The following SPTBN1 variants were observed in gnomAD, a reference collection of about 807,000 sequenced individuals.
SPTBN1 encodes the protein spectrin beta chain, non-erythrocytic 1.
Under a neutral mutation model 266.4 loss-of-function variants are expected in SPTBN1, and 32 were observed. The ratio of observed to expected loss-of-function variants is 0.12; its 90% CI spans 0.09 to 0.16. The LOEUF (loss-of-function observed/expected upper bound fraction) is 0.16. Among genes scored for constraint, SPTBN1 ranks in the 10% least tolerant of loss-of-function variants. The pLI, the probability that SPTBN1 is intolerant of heterozygous loss-of-function variation, is 1.00. For missense variants in SPTBN1, 2,296 were observed against 3,067.1 expected, an observed-to-expected ratio of 0.75 and a Z score of 5.94; for synonymous variants, 1,336 against 1,162.2, an observed-to-expected ratio of 1.15 and a Z score of -3.04.
At chr2:54,641,290 A>AGC (rs1438714410) in intron 18 of SPTBN1, among the ~76,000 whole-genome samples, 2 of 147,098 alleles carry the variant, frequency 1.4e-5, no homozygotes, top group Non-Finnish European at 3.0e-5. Context: ...ATTTTTATGT[A>AGC]GCGCGCTCTC....
intron 10 of SPTBN1, 135 bp downstream of exon 10, chr2:54,623,731 G>T: frequency 1.5e-6 from 1 of 682,916 alleles, no homozygotes; most frequent in South Asian, 2.1e-5. Context: ...TTGGCAGCTG[G>T]TGCTCAGGTG....
chr2:54,567,341 T>C (rs1673731780), intron 2 of SPTBN1, among the ~76,000 whole-genome samples: 1 of 151,742 alleles, frequency 6.6e-6, no homozygotes, highest in Non-Finnish European at 1.5e-5. Flanking sequence ...TTTATTTTAT[T>C]TATTTATTTA....
intron 2 of SPTBN1, among the ~76,000 whole-genome samples, chr2:54,567,437 C>G (rs1007099790): frequency 6.6e-6 from 1 of 152,040 alleles, no homozygotes; most frequent in Non-Finnish European, 1.5e-5. Context: ...ACCTCTTGGG[C>G]TCAAGCCATC....
chr2:54,526,295 C>T, intron 1 of SPTBN1, 77 bp from the exon 2 acceptor site: 1 of 1,181,440 alleles, frequency 8.5e-7, no homozygotes, highest in Non-Finnish European at 1.2e-6. Flanking sequence ...ATTTTCTGCT[C>T]ACTCTTATCC....
rs1681586064 is a variant in SPTBN1, at chr2:54,669,240, A to ATGTT, written c.*672_*673insGTTT. The stretch of plus-strand genomic sequence containing the variant: ...CTGTTTTAAATAATCTGTAATTTCA[A>ATGTT]TTTTTTTTTTTTGCTGAAATACATT... On this transcript the variant is annotated 3_prime_UTR_variant, in exon 36 of 36. Coordinates refer to ENST00000356805, the MANE Select transcript of SPTBN1 (RefSeq NM_003128.3). 1.3e-5 allele frequency: 2 copies of ATGTT among 150,206 alleles called. No individual in the cohort carries two copies. Among genetic ancestry groups the ATGTT allele is most frequent in the African/African-American group, 2.4e-5 (1 of 40,834 alleles). 9.3% of individuals were successfully genotyped at this position (150,206 alleles called of 1,614,324 possible). A position where few individuals can be genotyped will look rare whatever the true frequency, so the allele number is the denominator to read the frequency against.
At chr2:54,542,054 T>G (rs966004461) in intron 2 of SPTBN1, among the ~76,000 whole-genome samples, 4 of 152,250 alleles carry the variant, frequency 2.6e-5, no homozygotes, top group Non-Finnish European at 4.4e-5. Context: ...TTTTTAAGCT[T>G]TATTAGAATG....
chr2:54,572,194 A>G (rs1238079937), intron 2 of SPTBN1, among the ~76,000 whole-genome samples: 1 of 152,210 alleles, frequency 6.6e-6, no homozygotes, highest in Non-Finnish European at 1.5e-5. Flanking sequence ...CCTAGAAATT[A>G]GACATCACAT....
Position 54,670,590 on chromosome 2 carries a change from T to C in SPTBN1, c.*2021T>C, listed in dbSNP as rs1681652628. 1 of 398,162 alleles carries C rather than the reference T, an allele frequency of 2.5e-6. No homozygotes were observed. The allele number at this position is 398,162 out of a possible 1,614,324, so 24.7% of individuals were successfully genotyped here. A position where few individuals can be genotyped will look rare whatever the true frequency, so the allele number is the denominator to read the frequency against. ...TCTATTCTCAACAGACCAAAATGTT[T>C]AGTTAAGGCAAAGTATCTTGGAAAC... On this transcript the variant is annotated 3_prime_UTR_variant, in exon 36 of 36. Transcript: ENST00000356805.
intron 2 of SPTBN1, among the ~76,000 whole-genome samples, chr2:54,596,142 G>A (rs1198689041): frequency 3.9e-5 from 6 of 152,264 alleles, no homozygotes; most frequent in Middle Eastern, 3.4e-3. Context: ...AGCAGCTTGA[G>A]CTTGGAAGCA....
rs1679889744 is a variant in SPTBN1, at chr2:54,645,795, G to C, written c.4495-133G>C. 1 of 927,082 alleles carries C rather than the reference G, an allele frequency of 1.1e-6. No individual in the cohort carries two copies. Among genetic ancestry groups the C allele is most frequent in the Admixed American group, 2.3e-5 (1 of 44,288 alleles). The allele number at this position is 927,082 out of a possible 1,614,324, so 57.4% of individuals were successfully genotyped here. ...CGGAGAACAAGGGCGTGCTTCCCCA[G>C]ACAGCCCTCCCGAGGGGGCTGAGCA... On this transcript the variant is annotated intron_variant, in intron 21 of 35. Coordinates refer to ENST00000356805, the MANE Select transcript of SPTBN1 (RefSeq NM_003128.3). This position sits in a 1 kb window ranked among gnomAD's most constrained non-coding sequence, Gnocchi z 4.3.
chr2:54,637,439 C>A (rs553168622), intron 17 of SPTBN1, among the ~76,000 whole-genome samples: 4 of 152,170 alleles, frequency 2.6e-5, no homozygotes, highest in Admixed American at 2.6e-4. Context: ...TTTCTTAACA[C>A]CAGATTAGGA....
At chr2:54,518,670 A>G (rs943134416) in intron 1 of SPTBN1, among the ~76,000 whole-genome samples, 5 of 152,214 alleles carry the variant, frequency 3.3e-5, no homozygotes, top group Admixed American at 3.3e-4. Flanking sequence ...GTGTTTGCAG[A>G]ACATTTGGGT....
chr2:54,637,768 A>G lies in SPTBN1; in HGVS notation c.3823A>G (p.Arg1275Gly), dbSNP rs989043185. 1 of 1,614,022 alleles carries G rather than the reference A, an allele frequency of 6.2e-7. No individual in the cohort carries two copies. The highest frequency in any genetic ancestry group is 8.5e-7 in the Non-Finnish European group (1 of 1,179,898). ...ACTTTTGATGAGGTTGAAGGACAAC[A>G]GGGATCTACAGAAATTCCTGCAAGA... ...SELLMRLKDNRDLQKFLQDCQ... is the reference protein window; with the variant it reads ...SELLMRLKDNGDLQKFLQDCQ... Residue 1275 changes from arginine to glycine, a missense_variant, in exon 18 of 36, where the codon AGG (arginine) becomes GGG (glycine). Physicochemically the swap from Arg to Gly is moderately radical, Grantham distance 125. Around this residue, in one of 12 missense-constraint regions of SPTBN1, gnomAD observed 386 missense variants for 486.1 expected, o/e 0.79. Transcript: ENST00000356805.
rs200631796 is a variant in SPTBN1 at position 54,649,793 on chromosome 2, T to C, written c.5381T>C (p.Ile1794Thr). 152 of 1,614,188 alleles carry C rather than the reference T, an allele frequency of 9.4e-5. No individual in the cohort carries two copies. The Admixed American group carries it at 2.2e-3, about 24-fold the overall frequency. Residue 1794 changes from isoleucine (I) to threonine (T), a missense_variant, in exon 26 of 36, where the codon ATT becomes ACT. This residue lies in a region of SPTBN1 where 644 missense variants were observed against 745.3 expected (regional missense o/e 0.86). Transcript: ENST00000356805. This position sits in a 1 kb window ranked among gnomAD's most constrained non-coding sequence, Gnocchi z 6.7. ...NEAWADLLEL[I>T]DTRTQILAAS... ...GCCTGGGCCGACCTCCTGGAGCTCA[T>C]TGACACAAGAACACAGATTCTTGCC...
chr2:54,490,174 C>T (rs1278177250), intron 1 of SPTBN1, among the ~76,000 whole-genome samples: 1 of 151,466 alleles, frequency 6.6e-6, no homozygotes. Context: ...CAGGTTCAAG[C>T]GATTCTCTTC....
rs929386956 is a variant in SPTBN1, at chr2:54,576,721, A to G, written c.149-22371A>G. Among the ~76,000 whole-genome samples the G allele has an allele frequency of 2.0e-5, 3 of 152,296 alleles. No individual in the cohort carries two copies. The East Asian group carries it at 5.8e-4, about 29-fold the overall frequency. On this transcript the variant is annotated intron_variant, in intron 2 of 35. Coordinates refer to ENST00000356805, the MANE Select transcript of SPTBN1 (RefSeq NM_003128.3). ...GCCATCAAATCCATCCACCTGTTCA[A>G]TCAATATTCAGCCAGCAAGTGGGTG...
At chr2:54,512,541 A>G (rs1669912381) in intron 1 of SPTBN1, among the ~76,000 whole-genome samples, 1 of 152,250 alleles carries the variant, frequency 6.6e-6, no homozygotes, top group African/African-American at 2.4e-5. Flanking sequence ...AAAATCGTCT[A>G]CATTTAAAAT....
At position 54,529,879 on chromosome 2, in the gene SPTBN1, AAAAAAG is replaced by A. The variant is rs1400316121; in HGVS notation, c.148+3314_148+3319del. On this transcript the variant is annotated intron_variant, in intron 2 of 35. Coordinates refer to ENST00000356805, the MANE Select transcript of SPTBN1 (RefSeq NM_003128.3). ...AAAAAAAAAAAAAAAAAAAAAAAAAAAAAAAGGTCCACTTGATGTGGGAGTGGTGTG... is the reference window on the plus strand; with the variant it reads ...AAAAAAAAAAAAAAAAAAAAAAAAAAGTCCACTTGATGTGGGAGTGGTGTG... 3,377 of 388,612 alleles carry A rather than the reference AAAAAAG, an allele frequency of 8.7e-3. 76 individuals are homozygous for A. Among genetic ancestry groups the A allele is most frequent in the Non-Finnish European group, 0.013 (2,601 of 206,118 alleles). The allele number at this position is 388,612 out of a possible 1,614,324, so 24.1% of individuals were successfully genotyped here. A position where few individuals can be genotyped will look rare whatever the true frequency, so the allele number is the denominator to read the frequency against.
At chr2:54,522,656 GA>G (rs1488614789) in intron 1 of SPTBN1, among the ~76,000 whole-genome samples, 86 of 99,010 alleles carry the variant, frequency 8.7e-4, no homozygotes, top group South Asian at 1.3e-3. Context: ...AAGAGAGAGA[GA>G]AAGAGAGAGA....
Sources: gnomAD v4.1 joint callset for allele counts (sites outside exome capture counted in the v4.1 genomes callset) on GRCh38, gnomAD v4.1.1 for gene constraint, gnomAD v4.1.1 regional missense constraint, Gnocchi (gnomAD v3.1) non-coding constraint, MANE v1.5 for transcripts, NCBI Gene and HGNC (gene_info 2026-07-23, HGNC 2026-07-21) for gene names.